Variants in CNOT4 observed in about 807,000 individuals in gnomAD.
CNOT4 encodes the protein CCR4-associated factor 4.
In CNOT4, 8 loss-of-function variants were observed where a neutral mutation model predicts 73.8. The ratio of observed to expected loss-of-function variants is 0.11; its 90% CI spans 0.06 to 0.20. CNOT4 has a LOEUF of 0.20. CNOT4 is among the 10% of genes least tolerant of loss of function. The pLI is 1.00. For missense variants in CNOT4, 564 were observed against 883.4 expected, an observed-to-expected ratio of 0.64 and a Z score of 4.58; for synonymous variants, 293 against 321.1, an observed-to-expected ratio of 0.91 and a Z score of 0.94.
intron 3 of CNOT4, among the ~76,000 whole-genome samples, chr7:135,421,229 C>T (rs1159538791): frequency 6.6e-6 from 1 of 152,152 alleles, no homozygotes; most frequent in East Asian, 1.9e-4. Flanking sequence ...TAAAGATCCT[C>T]CTTCTGGGGC....
chr7:135,410,698 T>G, intron 6 of CNOT4, 50 bp from the exon 7 acceptor site: 1 of 1,437,214 alleles, frequency 7.0e-7, no homozygotes, highest in East Asian at 2.7e-5. Flanking sequence ...AAATGGCTGG[T>G]ATAAAATACT....
chr7:135,435,547 T>C (rs114632595), intron 2 of CNOT4, among the ~76,000 whole-genome samples: 2 of 152,240 alleles, frequency 1.3e-5, no homozygotes, highest in Non-Finnish European at 2.9e-5. Flanking sequence ...TACATGAATA[T>C]GACATTCCCT....
At chr7:135,468,228 T>C (rs911811878) in intron 1 of CNOT4, among the ~76,000 whole-genome samples, 6 of 150,364 alleles carry the variant, frequency 4.0e-5, no homozygotes, top group African/African-American at 1.2e-4. Context: ...AAAAATAAAA[T>C]GAAATAAAAA....
intron 4 of CNOT4, among the ~76,000 whole-genome samples, chr7:135,414,825 C>T (rs572069431): frequency 2.6e-5 from 4 of 152,000 alleles, no homozygotes; most frequent in Non-Finnish European, 5.9e-5. Flanking sequence ...TATCTGATAA[C>T]AGCAGCATAA....
intron 1 of CNOT4, among the ~76,000 whole-genome samples, chr7:135,478,710 CAATT>C (rs923309280): frequency 3.9e-5 from 6 of 152,136 alleles, no homozygotes; most frequent in African/African-American, 1.2e-4. Flanking sequence ...CTGAATCAAT[CAATT>C]AATCAATAAA....
At chr7:135,468,679 T>A (rs1801382034) in intron 1 of CNOT4, among the ~76,000 whole-genome samples, 1 of 111,948 alleles carries the variant, frequency 8.9e-6, no homozygotes, top group South Asian at 2.8e-4. Flanking sequence ...AGCAAGACTC[T>A]GTCTCAAAAA....
intron 10 of CNOT4, among the ~76,000 whole-genome samples, chr7:135,377,272 T>C (rs1159670169): frequency 6.6e-6 from 1 of 152,194 alleles, no homozygotes; most frequent in Non-Finnish European, 1.5e-5. Flanking sequence ...CTGTACTTTC[T>C]AAAAATGACC....
chr7:135,433,236 A>T (rs1422097780), intron 2 of CNOT4, among the ~76,000 whole-genome samples: 2 of 151,530 alleles, frequency 1.3e-5, no homozygotes, highest in African/African-American at 4.9e-5. Context: ...TCACTAAAAG[A>T]TCTTCTCAAC....
intron 10 of CNOT4, among the ~76,000 whole-genome samples, chr7:135,366,924 C>G (rs1471553904): frequency 2.0e-5 from 3 of 152,100 alleles, no homozygotes; most frequent in Non-Finnish European, 4.4e-5. Flanking sequence ...TCCCAATGAC[C>G]CAAATTTGTC....
chr7:135,380,813 C>G (rs1795805469), intron 10 of CNOT4, among the ~76,000 whole-genome samples: 1 of 152,182 alleles, frequency 6.6e-6, no homozygotes, highest in Non-Finnish European at 1.5e-5. Flanking sequence ...TGTTTATTAT[C>G]ATCATTGTTA....
intron 1 of CNOT4, among the ~76,000 whole-genome samples, chr7:135,454,648 A>G (rs894113605): frequency 2.3e-4 from 35 of 151,958 alleles, no homozygotes. Flanking sequence ...TCTCAAAAAA[A>G]TAAAATAAAA....
At chr7:135,418,747 CTCT>C (rs1215237452) in intron 3 of CNOT4, among the ~76,000 whole-genome samples, 1 of 152,152 alleles carries the variant, frequency 6.6e-6, no homozygotes, top group African/African-American at 2.4e-5. Context: ...ACCCAGGGCA[CTCT>C]TCTTTATGTG....
chr7:135,407,774 T>A (rs931948366), intron 7 of CNOT4, among the ~76,000 whole-genome samples: 1 of 152,194 alleles, frequency 6.6e-6, no homozygotes, highest in Non-Finnish European at 1.5e-5. Flanking sequence ...GATCCGCCTG[T>A]CTCAGCCTCA....
At chr7:135,388,197 A>G (rs1796218756) in intron 10 of CNOT4, 1 of 985,044 alleles carries the variant, frequency 1.0e-6, no homozygotes, top group South Asian at 4.7e-5. Context: ...TCAAAAAGAA[A>G]GTGCAAAAGT....
At chr7:135,384,507 G>A (rs954208553) in intron 10 of CNOT4, 125 of 584,584 alleles carry the variant, frequency 2.1e-4, no homozygotes, top group African/African-American at 1.9e-3. Flanking sequence ...GGATGGTCTC[G>A]ATCTCCTGAC....
At chr7:135,454,586 A>C (rs1052674078) in intron 1 of CNOT4, among the ~76,000 whole-genome samples, 2 of 152,118 alleles carry the variant, frequency 1.3e-5, no homozygotes, top group African/African-American at 2.4e-5. Flanking sequence ...AGGCAGAAGA[A>C]TCACTTGAGC....
chr7:135,432,319 CT>C (rs562824872), intron 2 of CNOT4, among the ~76,000 whole-genome samples: 151 of 152,272 alleles, frequency 9.9e-4, no homozygotes, highest in African/African-American at 3.4e-3. Flanking sequence ...ATCATGACCC[CT>C]ACCTCACATG....
chr7:135,395,915 C>T, intron 8 of CNOT4, 32 bp from the exon 9 acceptor site: 1 of 1,456,822 alleles, frequency 6.9e-7, no homozygotes, highest in South Asian at 1.2e-5. Context: ...ATAATAACTA[C>T]ATGTTTATAC....
intron 10 of CNOT4, among the ~76,000 whole-genome samples, chr7:135,374,420 G>A (rs755975540): frequency 5.3e-5 from 8 of 152,072 alleles, no homozygotes; most frequent in Non-Finnish European, 1.0e-4. Context: ...GGATAACATG[G>A]TAAAGTATAG....
Sources: allele counts gnomAD v4.1 joint callset (sites outside exome capture counted in the v4.1 genomes callset), GRCh38; gene constraint gnomAD v4.1.1; transcripts MANE v1.5; gene names NCBI Gene and HGNC (gene_info 2026-07-23, HGNC 2026-07-21).